CALN1: variants seen among roughly 807,000 people sequenced by gnomAD.
The protein encoded by CALN1 is calneuron 1, also known as calcium-binding protein 8.
A neutral mutation model predicts 30.6 loss-of-function variants in CALN1; 17 were observed. That is an observed-to-expected ratio of 0.56 (90% CI 0.38 to 0.83). The LOEUF (loss-of-function observed/expected upper bound fraction) is 0.83, where lower values mean the gene tolerates loss of function less well. Ranked by LOEUF, CALN1 falls within the 40% of genes least tolerant of loss-of-function variation. CALN1 has a pLI of 0.00. For missense variants in CALN1, 291 were observed against 354.9 expected (o/e 0.82, Z 1.45); for synonymous variants, 156 against 131.4 (o/e 1.19, Z -1.28).
intron 2 of CALN1, among the ~76,000 whole-genome samples, chr7:72,367,370 A>G (rs1803940159): frequency 6.6e-6 from 1 of 152,108 alleles, no homozygotes; most frequent in Admixed American, 6.6e-5. Context: ...CTGTACTCCC[A>G]GCTACTCACT....
At chr7:72,020,353 C>A (rs1008379710) in intron 5 of CALN1, among the ~76,000 whole-genome samples, 2 of 152,200 alleles carry the variant, frequency 1.3e-5, no homozygotes, top group African/African-American at 4.8e-5. Flanking sequence ...TGCACACACA[C>A]ACATGCACAC....
At chr7:72,398,620 G>A (rs1295121119) in intron 2 of CALN1, among the ~76,000 whole-genome samples, 2 of 152,182 alleles carry the variant, frequency 1.3e-5, no homozygotes, top group African/African-American at 4.8e-5. Context: ...CTTCTAGGTG[G>A]CATCATGGAT....
chr7:72,155,899 T>C (rs1200885584), intron 3 of CALN1, among the ~76,000 whole-genome samples: 2 of 152,100 alleles, frequency 1.3e-5, no homozygotes, highest in Non-Finnish European at 2.9e-5. Context: ...GGCTCCCTCC[T>C]CCACCTTCAA....
At chr7:71,996,260 T>G (rs879541339) in intron 5 of CALN1, among the ~76,000 whole-genome samples, 3 of 152,204 alleles carry the variant, frequency 2.0e-5, no homozygotes, top group Non-Finnish European at 4.4e-5. Context: ...ATGAAATATC[T>G]GCGATAATAA....
intron 5 of CALN1, among the ~76,000 whole-genome samples, chr7:71,938,935 G>A (rs1452533044): frequency 6.6e-6 from 1 of 151,980 alleles, no homozygotes; most frequent in Non-Finnish European, 1.5e-5. Flanking sequence ...ATCAATGCTT[G>A]TCAATGCCTT....
At chr7:71,847,635 T>C (rs1169035771) in intron 5 of CALN1, among the ~76,000 whole-genome samples, 4 of 147,712 alleles carry the variant, frequency 2.7e-5, no homozygotes, top group East Asian at 4.0e-4. Flanking sequence ...TGAGCCAAGA[T>C]TGCACCACTG....
chr7:71,820,715 G>A (rs1054587998), intron 5 of CALN1, among the ~76,000 whole-genome samples: 1 of 152,154 alleles, frequency 6.6e-6, no homozygotes, highest in Non-Finnish European at 1.5e-5. Context: ...TTTATCTGTT[G>A]AGTATCTTTG....
At chr7:72,184,189 ATCG>A (rs1377693881) in intron 3 of CALN1, among the ~76,000 whole-genome samples, 2 of 152,154 alleles carry the variant, frequency 1.3e-5, no homozygotes, top group Non-Finnish European at 2.9e-5. Context: ...TAATTTTTCA[ATCG>A]TCGTCTTCGA....
chr7:72,262,698 T>C (rs905907463), intron 3 of CALN1, among the ~76,000 whole-genome samples: 28 of 152,234 alleles, frequency 1.8e-4, no homozygotes, highest in Non-Finnish European at 4.4e-5. Context: ...TTTTTATGGC[T>C]GCACAGTATT....
At chr7:71,871,860 C>T (rs1439857027) in intron 5 of CALN1, among the ~76,000 whole-genome samples, 1 of 152,032 alleles carries the variant, frequency 6.6e-6, no homozygotes, top group Non-Finnish European at 1.5e-5. Flanking sequence ...GGCCTGTTGT[C>T]CTTCCCAGAT....
chr7:72,441,946 C>T (rs145470583), intron 1 of CALN1, among the ~76,000 whole-genome samples: 4,575 of 152,070 alleles, frequency 0.03, 160 homozygotes, highest in Non-Finnish European at 0.036. Flanking sequence ...CCTCAACAGA[C>T]GTCTCCAATT....
chr7:71,808,633 C>G (rs192805876), intron 6 of CALN1, among the ~76,000 whole-genome samples: 1 of 152,094 alleles, frequency 6.6e-6, no homozygotes. Flanking sequence ...TAGATTATTT[C>G]CCAGTATAGC....
chr7:72,144,866 T>A (rs1810231903), intron 3 of CALN1, among the ~76,000 whole-genome samples: 1 of 152,218 alleles, frequency 6.6e-6, no homozygotes, highest in Non-Finnish European at 1.5e-5. Context: ...TGCTCCTGAA[T>A]GACTACTGGG....
intron 2 of CALN1, among the ~76,000 whole-genome samples, chr7:72,304,760 T>G (rs1427919882): frequency 6.6e-6 from 1 of 152,182 alleles, no homozygotes; most frequent in Admixed American, 6.5e-5. Flanking sequence ...CATACATATA[T>G]ATTTATAGAG....
At chr7:72,059,424 A>G (rs1803495029) in intron 4 of CALN1, among the ~76,000 whole-genome samples, 1 of 151,492 alleles carries the variant, frequency 6.6e-6, no homozygotes, top group South Asian at 2.1e-4. Flanking sequence ...ATACTTAGGA[A>G]CTCCCAACCC....
intron 1 of CALN1, among the ~76,000 whole-genome samples, chr7:72,404,742 A>G (rs10251904): frequency 0.6 from 91,894 of 152,076 alleles, 29,281 homozygotes; most frequent in African/African-American, 0.81. Flanking sequence ...CAGCTCTTAG[A>G]AGATCAGGCT....
In CALN1 at chr7:71,911,861, C is replaced by T. The variant is rs1009121069; in HGVS notation, c.502-101369G>A. Among the ~76,000 whole-genome samples the T allele has an allele frequency of 5.9e-5, 9 of 152,034 alleles. No homozygotes were observed. In the East Asian group the frequency reaches 1.4e-3, roughly 23 times the overall value. Reference sequence around the variant, plus strand: ...TGGAGGTTTTCAGGATATCCTGCCCCGATAAAGTAACGACGAAGATGAGTT... The same window carrying T: ...TGGAGGTTTTCAGGATATCCTGCCCTGATAAAGTAACGACGAAGATGAGTT... On this transcript the variant is annotated intron_variant, in intron 5 of 6. Coordinates refer to ENST00000395275, the MANE Select transcript of CALN1 (RefSeq NM_031468.4).
chr7:71,781,680 C>T lies in CALN1; in HGVS notation c.*6095G>A, dbSNP rs868333646. ...TTCTATCCCACTGGAAAATTCCAGC[C>T]TCTGCATCCTTTCCACTTGGACAAT... is the stretch of plus-strand genomic sequence containing the variant. On this transcript the variant is annotated 3_prime_UTR_variant, in exon 7 of 7. Coordinates refer to ENST00000395275, the MANE Select transcript of CALN1 (RefSeq NM_031468.4). 3 of 152,232 alleles carry T rather than the reference C, an allele frequency of 2.0e-5. No homozygotes were observed. The highest frequency in any genetic ancestry group is 2.1e-4 in the South Asian group (1 of 4,834). 9.4% of individuals were successfully genotyped at this position (152,232 alleles called of 1,614,324 possible).
intron 4 of CALN1, among the ~76,000 whole-genome samples, chr7:72,082,616 TA>T (rs766825927): frequency 1.3e-5 from 2 of 152,156 alleles, no homozygotes; most frequent in Admixed American, 1.3e-4. Context: ...AGCTCCACTA[TA>T]AAGCATAAAG....
Sources: allele counts gnomAD v4.1 joint callset (sites outside exome capture counted in the v4.1 genomes callset), GRCh38; gene constraint gnomAD v4.1.1; transcripts MANE v1.5; gene names NCBI Gene and HGNC (gene_info 2026-07-23, HGNC 2026-07-21).